Variants in TTLL3 observed in about 807,000 individuals in gnomAD.
TTLL3 encodes tubulin monoglycylase TTLL3.
In TTLL3, 63 loss-of-function variants were observed where a neutral mutation model predicts 75.2. That is an observed-to-expected ratio of 0.84 (90% confidence interval 0.68 to 1.03). The LOEUF is 1.03. TTLL3 is among the 50% of genes least tolerant of loss of function. The pLI is 0.00. For missense variants in TTLL3, 997 were observed against 1,069.9 expected, an observed-to-expected ratio of 0.93 and a Z score of 0.95; for synonymous variants, 393 against 418.5, an observed-to-expected ratio of 0.94 and a Z score of 0.74.
rs747186724 is a variant in TTLL3, at chr3:9,810,716, G to GGAGGGGCAGGGGCGCTTAGA, written c.48+8_48+27dup. ...CGTGGAGAGAGCTGTCAAGGTCAGA[G>GGAGGGGCAGGGGCGCTTAGA]GAGGGGCAGGGGCGCTTAGAAAGGG... On this transcript the variant is annotated splice_region_variant and intron_variant, in intron 2 of 13. Transcript: ENST00000685419. The surrounding 1 kb of genome is among the most constrained non-coding windows in gnomAD (Gnocchi z 4.4). The GGAGGGGCAGGGGCGCTTAGA allele has an allele frequency of 6.3e-7, 1 of 1,582,458 alleles. No homozygotes were observed. Among genetic ancestry groups the GGAGGGGCAGGGGCGCTTAGA allele is most frequent in the Non-Finnish European group, 8.6e-7 (1 of 1,164,426 alleles).
chr3:9,822,327 A>C (rs2080520299), intron 8 of TTLL3, among the ~76,000 whole-genome samples: 1 of 151,498 alleles, frequency 6.6e-6, no homozygotes, highest in South Asian at 2.1e-4. Context: ...TCAGCCTCCC[A>C]AAGTGCTGGG....
intron 7 of TTLL3, chr3:9,819,614 C>T: frequency 1.1e-5 from 11 of 985,674 alleles, no homozygotes; most frequent in Non-Finnish European, 1.3e-5. Context: ...CAGAGGAACC[C>T]TCACTATCAT....
In TTLL3 at chr3:9,827,106, C is replaced by T; in HGVS notation, c.1113C>T (p.Leu371=). ...WVVQKYIERP[L]LIFGTKFDLR... ...TGCAGAAGTATATTGAGCGGCCCCT[C>T]CTCATCTTTGGCACCAAGTTTGACC... Residue 371 remains leucine, a synonymous_variant, in exon 10 of 14, where the codon CTC becomes CTT. Transcript: ENST00000685419. 6.2e-7 allele frequency: 1 copy of T among 1,614,230 alleles called. No individual in the cohort carries two copies. Among genetic ancestry groups the T allele is most frequent in the East Asian group, 2.2e-5 (1 of 44,890 alleles).
At position 9,815,035 on chromosome 3, in the gene TTLL3, C is replaced by T. The variant is rs547139723; in HGVS notation, c.316-1039C>T. ...GGTGGATTATTTGAGGTCAGGAGTT[C>T]GAGACCAGCCTGGGGAACATGGTGA... On this transcript the variant is annotated intron_variant, in intron 4 of 13. Coordinates refer to ENST00000685419, the MANE Select transcript of TTLL3 (RefSeq NM_001387446.1). 1.4e-4 allele frequency among the ~76,000 whole-genome samples: 21 copies of T among 151,682 alleles called. No individual in the cohort carries two copies. The South Asian group carries it at 4.2e-3, about 30-fold the overall frequency.
chr3:9,832,988 C>T (rs1011672258), intron 11 of TTLL3, 116 bp from the exon 12 acceptor site: 1 of 1,312,414 alleles, frequency 7.6e-7, no homozygotes, highest in African/African-American at 1.5e-5. Flanking sequence ...TCAGAAACGC[C>T]TCTTTGACCA....
chr3:9,835,582 C>A lies in TTLL3; in HGVS notation c.*93C>A. 2 of 1,268,778 alleles carry A rather than the reference C, an allele frequency of 1.6e-6. No individual in the cohort carries two copies. The highest frequency in any genetic ancestry group is 2.2e-6 in the Non-Finnish European group (2 of 926,150). The allele number at this position is 1,268,778 out of a possible 1,614,324, so 78.6% of individuals were successfully genotyped here. Reference sequence around the variant, plus strand: ...TATTTAGGGACTCCCCCAGCATCTCCGATCCAGGGGTGGGGAGCGTGAGCC... The same window carrying A: ...TATTTAGGGACTCCCCCAGCATCTCAGATCCAGGGGTGGGGAGCGTGAGCC... On this transcript the variant is annotated 3_prime_UTR_variant, in exon 14 of 14. Coordinates refer to ENST00000685419, the MANE Select transcript of TTLL3 (RefSeq NM_001387446.1).
At chr3:9,820,766 T>A in intron 8 of TTLL3, 25 bp downstream of exon 8, 1 of 1,612,408 alleles carries the variant, frequency 6.2e-7, no homozygotes, top group Non-Finnish European at 8.5e-7. Flanking sequence ...GCTGGGACTT[T>A]GGGCTGTGGG....
intron 9 of TTLL3, among the ~76,000 whole-genome samples, chr3:9,826,282 A>C (rs1159620093): frequency 6.6e-6 from 1 of 152,216 alleles, no homozygotes; most frequent in Non-Finnish European, 1.5e-5. Context: ...CATGATCCAG[A>C]AGGATATCCA....
chr3:9,812,445 G>A (rs1182148733), intron 2 of TTLL3, among the ~76,000 whole-genome samples: 1 of 152,108 alleles, frequency 6.6e-6, no homozygotes, highest in Non-Finnish European at 1.5e-5. Context: ...AACCCGGGAG[G>A]TGGAGGTTGC....
chr3:9,821,554 G>A (rs2080410593), intron 8 of TTLL3, among the ~76,000 whole-genome samples: 1 of 152,212 alleles, frequency 6.6e-6, no homozygotes, highest in African/African-American at 2.4e-5. Flanking sequence ...ACTCAGTAGG[G>A]GAAACCGAAG....
intron 5 of TTLL3, 26 bp from the exon 6 acceptor site, chr3:9,817,619 T>C: frequency 6.2e-7 from 1 of 1,613,702 alleles, no homozygotes; most frequent in Non-Finnish European, 8.5e-7. Flanking sequence ...AGTCCTGCCC[T>C]GCCCTCTCAG....
Position 9,835,778 on chromosome 3 carries a change from A to T in TTLL3, c.*289A>T. On this transcript the variant is annotated 3_prime_UTR_variant, in exon 14 of 14. Transcript: ENST00000685419. ...AGAATGACACCTACCGGGCATAGGA[A>T]CGTTAATGCCATGAGACAGGGGAAG... 1 of 386,720 alleles carries T rather than the reference A, an allele frequency of 2.6e-6. No homozygotes were observed. The highest frequency in any genetic ancestry group is 2.1e-5 in the African/African-American group (1 of 48,688). 24.0% of individuals were successfully genotyped at this position (386,720 alleles called of 1,614,324 possible).
chr3:9,819,279 A>C, intron 7 of TTLL3: 1 of 249,680 alleles, frequency 4.0e-6, no homozygotes, highest in Admixed American at 5.0e-5. Flanking sequence ...AGATCCACCT[A>C]CCCATCTATC....
Position 9,810,512 on chromosome 3 carries a change from G to A in TTLL3, c.-41-109G>A. On this transcript the variant is annotated intron_variant, in intron 1 of 13. Coordinates refer to ENST00000685419, the MANE Select transcript of TTLL3 (RefSeq NM_001387446.1). This position sits in a 1 kb window ranked among gnomAD's most constrained non-coding sequence, Gnocchi z 4.4. ...GGCTGAGGGTGGGCATCTGGATGAA[G>A]GCAGGAGGAAGAAAAGAGGCGTGGC... The A allele has an allele frequency of 1.4e-6, 2 of 1,470,474 alleles. No individual in the cohort carries two copies. Among genetic ancestry groups the A allele is most frequent in the Non-Finnish European group, 1.8e-6 (2 of 1,108,566 alleles). 91.1% of individuals were successfully genotyped at this position (1,470,474 alleles called of 1,614,324 possible).
Position 9,833,134 on chromosome 3 carries a change from A to C in TTLL3, c.1714A>C (p.Ile572Leu). The part of the protein sequence containing the change: ...PAVEVPQYVG[I>L]RLLVEGFTIK... ...TGTGGAGGTGCCTCAATATGTGGGC[A>C]TCCGGCTCCTGGTAGAGGGCTTCAC... Residue 572 changes from isoleucine to leucine, a missense_variant, in exon 12 of 14, where the codon ATC becomes CTC. Coordinates refer to ENST00000685419, the MANE Select transcript of TTLL3 (RefSeq NM_001387446.1). 1 of 1,614,178 alleles carries C rather than the reference A, an allele frequency of 6.2e-7. No individual in the cohort carries two copies. Among genetic ancestry groups the C allele is most frequent in the Non-Finnish European group, 8.5e-7 (1 of 1,180,016 alleles).
At chr3:9,822,735 T>TA (rs2080579817) in intron 8 of TTLL3, among the ~76,000 whole-genome samples, 1 of 138,826 alleles carries the variant, frequency 7.2e-6, no homozygotes, top group Non-Finnish European at 1.5e-5. Context: ...ATATTATGTA[T>TA]TATATATATT....
chr3:9,826,919 C>G (rs1250616092), intron 9 of TTLL3, 78 bp from the exon 10 acceptor site: 3 of 1,593,916 alleles, frequency 1.9e-6, no homozygotes, highest in African/African-American at 2.7e-5. Context: ...TCCGAGGGGA[C>G]AAGAGCTCAT....
chr3:9,832,149 G>A (rs56329040), intron 11 of TTLL3, among the ~76,000 whole-genome samples: 28,770 of 137,944 alleles, frequency 0.21, 3,381 homozygotes, highest in East Asian at 0.55. Flanking sequence ...ACAATGGTGC[G>A]ATCTCGGCTC....
In TTLL3 at chr3:9,833,151, G is replaced by A. The variant is rs755593526; in HGVS notation, c.1731G>A (p.Glu577=). The change falls in exon 12 of 14, where the codon GAG becomes GAA. Residue 577 remains glutamate (E), a synonymous_variant. Coordinates refer to ENST00000685419, the MANE Select transcript of TTLL3 (RefSeq NM_001387446.1). ...ATGTGGGCATCCGGCTCCTGGTAGAGGGCTTCACCATCAAGAAGCCCATGG... is the reference window on the plus strand; with the variant it reads ...ATGTGGGCATCCGGCTCCTGGTAGAAGGCTTCACCATCAAGAAGCCCATGG... ...PQYVGIRLLV[E]GFTIKKPMAM... 7 of 1,614,038 alleles carry A rather than the reference G, an allele frequency of 4.3e-6. No individual in the cohort carries two copies. In the South Asian group the frequency reaches 4.4e-5, roughly 10 times the overall value.
Sources: allele counts gnomAD v4.1 joint callset (sites outside exome capture counted in the v4.1 genomes callset), GRCh38; gene constraint gnomAD v4.1.1; non-coding constraint Gnocchi (gnomAD v3.1); transcripts MANE v1.5; gene names NCBI Gene and HGNC (gene_info 2026-07-23, HGNC 2026-07-21).